Variants in LRP1B observed in about 807,000 individuals in gnomAD.
LRP1B encodes the protein low-density lipoprotein receptor-related protein 1B.
LRP1B carries 217 observed loss-of-function variants against 556.6 expected under a neutral mutation model. The ratio of observed to expected loss-of-function variants is 0.39; its 90% confidence interval spans 0.35 to 0.44. The LOEUF (loss-of-function observed/expected upper bound fraction) is 0.44. LRP1B is among the 20% of genes least tolerant of loss of function. The probability of loss-of-function intolerance (pLI) is 1.00; values close to 1 mark genes in which losing one functional copy is unlikely to be tolerated. For missense variants in LRP1B, 5,053 were observed against 5,620.8 expected, an observed-to-expected ratio of 0.90 and a Z score of 3.23; for synonymous variants, 2,047 against 1,865.8, an observed-to-expected ratio of 1.10 and a Z score of -2.50.
intron 66 of LRP1B, among the ~76,000 whole-genome samples, chr2:140,399,171 A>C (rs1289752438): frequency 6.7e-6 from 1 of 148,860 alleles, no homozygotes; most frequent in Non-Finnish European, 1.5e-5. Context: ...AGATACACAC[A>C]CACACACACA....
intron 2 of LRP1B, among the ~76,000 whole-genome samples, chr2:141,733,910 C>A (rs115405880): frequency 6.6e-6 from 1 of 152,008 alleles, no homozygotes; most frequent in Admixed American, 6.6e-5. Flanking sequence ...TATTATAGAA[C>A]CTATAATGTT....
intron 2 of LRP1B, among the ~76,000 whole-genome samples, chr2:141,639,302 GTGTATATATATA>G (rs1384990541): frequency 1.6e-3 from 54 of 33,020 alleles, no homozygotes; most frequent in Middle Eastern, 0.029. Context: ...CGCATCATGT[GTGTATATATATA>G]TATATATATA....
chr2:141,036,641 T>A, intron 11 of LRP1B, among the ~76,000 whole-genome samples: 1 of 152,122 alleles, frequency 6.6e-6, no homozygotes, highest in South Asian at 2.1e-4. Flanking sequence ...AAGCCATATG[T>A]CCCTGAGGGA....
chr2:140,771,075 C>T, intron 33 of LRP1B, 69 bp from the exon 34 acceptor site: 1 of 1,178,086 alleles, frequency 8.5e-7, no homozygotes, highest in Non-Finnish European at 1.2e-6. Context: ...TATTTAACGT[C>T]AATAATTTGA....
intron 12 of LRP1B, among the ~76,000 whole-genome samples, chr2:141,016,384 T>G (rs1697900816): frequency 6.6e-6 from 1 of 152,100 alleles, no homozygotes; most frequent in Admixed American, 6.6e-5. Context: ...TCAGATGAAT[T>G]ATGATTCTTT....
intron 1 of LRP1B, among the ~76,000 whole-genome samples, chr2:141,848,038 A>G (rs1438433552): frequency 4.0e-5 from 6 of 151,564 alleles, no homozygotes. Flanking sequence ...ACATGAAAGG[A>G]GAAGCTACAA....
intron 1 of LRP1B, among the ~76,000 whole-genome samples, chr2:142,069,497 T>TCCTCC (rs10669903): frequency 6.6e-6 from 1 of 151,438 alleles, no homozygotes; most frequent in Non-Finnish European, 1.5e-5. Flanking sequence ...CTCCCCCACC[T>TCCTCC]CTGAACCATA....
At chr2:141,968,902 C>T (rs552797865) in intron 1 of LRP1B, among the ~76,000 whole-genome samples, 1 of 151,748 alleles carries the variant, frequency 6.6e-6, no homozygotes, top group East Asian at 2.0e-4. Flanking sequence ...TTCAATGTTT[C>T]AAACAATCCT....
intron 2 of LRP1B, among the ~76,000 whole-genome samples, chr2:141,606,693 C>T (rs1228634789): frequency 6.6e-6 from 1 of 152,134 alleles, no homozygotes; most frequent in African/African-American, 2.4e-5. Context: ...TGTGAAGACA[C>T]AGCAAGTAGC....
At chr2:140,603,962 G>C (rs1682772375) in intron 41 of LRP1B, among the ~76,000 whole-genome samples, 1 of 152,158 alleles carries the variant, frequency 6.6e-6, no homozygotes, top group Non-Finnish European at 1.5e-5. Context: ...GTATATGTGT[G>C]TGTGTGCACA....
chr2:141,067,110 AT>A (rs898946294), intron 7 of LRP1B, among the ~76,000 whole-genome samples: 6 of 151,946 alleles, frequency 3.9e-5, no homozygotes, highest in African/African-American at 9.7e-5. Flanking sequence ...ACATAACCTC[AT>A]TTTTTATGCC....
At chr2:140,830,170 T>C (rs1218458576) in intron 31 of LRP1B, among the ~76,000 whole-genome samples, 1 of 152,006 alleles carries the variant, frequency 6.6e-6, no homozygotes, top group Non-Finnish European at 1.5e-5. Context: ...ACTAGCAAAT[T>C]ATACCACACA....
intron 2 of LRP1B, among the ~76,000 whole-genome samples, chr2:141,544,354 TC>T (rs778091835): frequency 5.1e-3 from 518 of 101,240 alleles, no homozygotes; most frequent in East Asian, 7.3e-3. Flanking sequence ...TTCTTCTTCT[TC>T]TTCTTCTTCT....
At chr2:140,942,272 C>T (rs1055779949) in intron 20 of LRP1B, among the ~76,000 whole-genome samples, 2 of 152,004 alleles carry the variant, frequency 1.3e-5, no homozygotes, top group Non-Finnish European at 1.5e-5. Flanking sequence ...ATGAATAAAG[C>T]CTCTGAGAAA....
chr2:140,845,446 T>A (rs1423968314), intron 29 of LRP1B, among the ~76,000 whole-genome samples: 1 of 152,006 alleles, frequency 6.6e-6, no homozygotes, highest in East Asian at 1.9e-4. Context: ...AAAGAAAAAA[T>A]TTATTCAACC....
At chr2:140,782,343 CG>C in intron 32 of LRP1B, among the ~76,000 whole-genome samples, 1 of 152,174 alleles carries the variant, frequency 6.6e-6, no homozygotes, top group South Asian at 2.1e-4. Context: ...TAAGTCTAAA[CG>C]AGGCCCCATT....
intron 1 of LRP1B, among the ~76,000 whole-genome samples, chr2:141,844,497 T>A (rs929005751): frequency 1.3e-5 from 2 of 152,108 alleles, no homozygotes; most frequent in Non-Finnish European, 2.9e-5. Context: ...GTTTTTGTTT[T>A]TTCATTGATA....
At chr2:142,121,948 G>C (rs1211529305) in intron 1 of LRP1B, among the ~76,000 whole-genome samples, 1 of 152,046 alleles carries the variant, frequency 6.6e-6, no homozygotes, top group Non-Finnish European at 1.5e-5. Context: ...AATGTAAAGA[G>C]CTTCTTGCTA....
chr2:141,637,114 C>T (rs1052628246), intron 2 of LRP1B, among the ~76,000 whole-genome samples: 12 of 152,028 alleles, frequency 7.9e-5, no homozygotes, highest in South Asian at 2.1e-4. Flanking sequence ...TGACAGAAAA[C>T]GCACAGAGTT....
Sources: gnomAD v4.1 joint callset for allele counts (sites outside exome capture counted in the v4.1 genomes callset) on GRCh38, gnomAD v4.1.1 for gene constraint, MANE v1.5 for transcripts, NCBI Gene and HGNC (gene_info 2026-07-23, HGNC 2026-07-21) for gene names.